The following STK3 variants were observed in gnomAD, a reference collection of about 807,000 sequenced individuals.
STK3 encodes the protein serine/threonine kinase 3.
In STK3, 41 loss-of-function variants were observed where a neutral mutation model predicts 58.0. The ratio of observed to expected loss-of-function variants is 0.71; its 90% confidence interval spans 0.55 to 0.92. STK3 has a LOEUF of 0.92. Ranked by LOEUF, STK3 falls within the 40% of genes least tolerant of loss-of-function variation. The pLI is 0.00. For missense variants in STK3, 479 were observed against 602.7 expected (o/e 0.79, Z 2.15); for synonymous variants, 170 against 191.0 (o/e 0.89, Z 0.91).
At chr8:98,593,032 G>A (rs2129931596) in intron 7 of STK3, among the ~76,000 whole-genome samples, 1 of 152,236 alleles carries the variant, frequency 6.6e-6, no homozygotes, top group African/African-American at 2.4e-5. Context: ...CCAAAGTGCT[G>A]GGATTACAGG....
chr8:98,562,241 C>A (rs1051101859), intron 8 of STK3, among the ~76,000 whole-genome samples: 1 of 151,936 alleles, frequency 6.6e-6, no homozygotes, highest in African/African-American at 2.4e-5. Context: ...TTGATAACTG[C>A]CCCAAACTAA....
chr8:98,611,465 T>C (rs1241234859), intron 6 of STK3, among the ~76,000 whole-genome samples: 1 of 152,154 alleles, frequency 6.6e-6, no homozygotes, highest in Non-Finnish European at 1.5e-5. Flanking sequence ...AAAAGAAATC[T>C]GTCAACACAG....
At chr8:98,530,225 T>C (rs1223742158) in intron 9 of STK3, among the ~76,000 whole-genome samples, 1 of 152,154 alleles carries the variant, frequency 6.6e-6, no homozygotes, top group Non-Finnish European at 1.5e-5. Flanking sequence ...TAAACTTGTG[T>C]CATGGGGGTT....
At chr8:98,614,004 TAA>T (rs1178602654) in intron 6 of STK3, among the ~76,000 whole-genome samples, 1 of 152,082 alleles carries the variant, frequency 6.6e-6, no homozygotes, top group African/African-American at 2.4e-5. Context: ...TAACAAGCAC[TAA>T]TGTATATGTA....
intron 6 of STK3, among the ~76,000 whole-genome samples, chr8:98,647,335 T>G (rs961395946): frequency 7.9e-5 from 12 of 152,188 alleles, no homozygotes; most frequent in Admixed American, 7.9e-4. Context: ...CTAGTTTTCT[T>G]TAATCATTTC....
Position 98,713,226 on chromosome 8 carries a change from T to C in STK3, c.352-5915A>G, listed in dbSNP as rs1389865545. On this transcript the variant is annotated intron_variant, in intron 4 of 10. Coordinates refer to ENST00000419617, the MANE Select transcript of STK3 (RefSeq NM_006281.4). Reference sequence around the variant, plus strand: ...ACCCTAACATCACAATTAAAAGAACTAGAAAAGCAAGAGCAAACACATTCA... The same window carrying C: ...ACCCTAACATCACAATTAAAAGAACCAGAAAAGCAAGAGCAAACACATTCA... Among the ~76,000 whole-genome samples the C allele has an allele frequency of 4.2e-4, 64 of 152,024 alleles. 3 individuals carry two copies. The South Asian group carries it at 7.9e-3, about 19-fold the overall frequency.
chr8:98,721,382 T>C (rs1196901451), intron 4 of STK3, among the ~76,000 whole-genome samples: 3 of 151,850 alleles, frequency 2.0e-5, no homozygotes, highest in Admixed American at 6.6e-5. Flanking sequence ...CTCAGAAAAA[T>C]AGCCAGTTAT....
At chr8:98,915,394 A>T (rs577581412) in intron 1 of STK3, among the ~76,000 whole-genome samples, 2 of 141,276 alleles carry the variant, frequency 1.4e-5, no homozygotes, top group South Asian at 4.4e-4. Flanking sequence ...TTACTGTGGG[A>T]CCTTGTGATC....
chr8:98,697,585 A>C (rs1327498993), intron 6 of STK3, among the ~76,000 whole-genome samples: 1 of 152,196 alleles, frequency 6.6e-6, no homozygotes, highest in African/African-American at 2.4e-5. Flanking sequence ...TTCAAAGAAC[A>C]TCCTTATTTC....
chr8:98,653,124 C>A (rs992857057), intron 6 of STK3, among the ~76,000 whole-genome samples: 7 of 152,200 alleles, frequency 4.6e-5, no homozygotes, highest in Non-Finnish European at 1.0e-4. Context: ...CAAATTATAA[C>A]AAACTGTCTC....
intron 1 of STK3, among the ~76,000 whole-genome samples, chr8:98,805,035 G>T (rs1833814283): frequency 6.6e-6 from 1 of 152,156 alleles, no homozygotes; most frequent in South Asian, 2.1e-4. Flanking sequence ...CAAAACTAGG[G>T]GGTAGTTTTG....
chr8:98,744,839 A>T (rs1829532800), intron 4 of STK3, among the ~76,000 whole-genome samples: 2 of 152,120 alleles, frequency 1.3e-5, no homozygotes, highest in South Asian at 4.1e-4. Flanking sequence ...TTAGTAGGAC[A>T]GGCTTATAAG....
downstream of STK3, among the ~76,000 whole-genome samples, chr8:98,449,997 A>G (rs866271545): frequency 1.3e-5 from 2 of 152,282 alleles, no homozygotes; most frequent in Middle Eastern, 6.8e-3. Flanking sequence ...CAGCCTCTAG[A>G]GTCATAAACC....
intron 1 of STK3, among the ~76,000 whole-genome samples, chr8:98,897,471 G>T (rs923551619): frequency 4.6e-5 from 7 of 151,612 alleles, no homozygotes; most frequent in Admixed American, 3.3e-4. Flanking sequence ...GCTGAGGCAG[G>T]AGAATGGCGT....
rs147410114 is a variant in STK3 at position 98,419,583 on chromosome 8, C to T, written n.483+14544G>A. 9.2e-4 allele frequency among the ~76,000 whole-genome samples: 140 copies of T among 152,310 alleles called. No homozygotes were observed. In the East Asian group the frequency reaches 0.025, roughly 28 times the overall value. On this transcript the variant is annotated intron_variant and non_coding_transcript_variant, in intron 3 of 3. Coordinates refer to the STK3 transcript ENST00000517832. ...AGGACTCCTAGAGAGCCTGGGCATC[C>T]TGGGCTGCATCCTGGACCTGGAGTG...
At chr8:98,630,140 C>G (rs939153201) in intron 6 of STK3, among the ~76,000 whole-genome samples, 1 of 152,198 alleles carries the variant, frequency 6.6e-6, no homozygotes, top group Non-Finnish European at 1.5e-5. Flanking sequence ...CCTATGAGCA[C>G]TATGTGGCGT....
chr8:98,697,455 G>A (rs963870822), intron 6 of STK3, among the ~76,000 whole-genome samples: 191 of 152,140 alleles, frequency 1.3e-3, no homozygotes, highest in South Asian at 1.2e-3. Context: ...ATGTTAGGGT[G>A]TCAATTTTGG....
chr8:98,721,792 A>G lies in STK3; in HGVS notation c.352-14481T>C, dbSNP rs543481425. ...CCCAGGGGTTACAATATTGCTGTGA[A>G]TAACAGCACATATATAACCAGAATG... is the stretch of plus-strand genomic sequence containing the variant. On this transcript the variant is annotated intron_variant, in intron 4 of 10. Transcript: ENST00000419617. 9.2e-5 allele frequency among the ~76,000 whole-genome samples: 14 copies of G among 152,282 alleles called. No individual in the cohort carries two copies. The East Asian group carries it at 2.3e-3, about 25-fold the overall frequency.
chr8:98,439,518 T>C (rs1818615714), intron 1 of STK3, among the ~76,000 whole-genome samples: 1 of 152,122 alleles, frequency 6.6e-6, no homozygotes, highest in Non-Finnish European at 1.5e-5. Flanking sequence ...TCCCCTCAGG[T>C]AATGACTAAT....
Sources: allele counts gnomAD v4.1 joint callset (sites outside exome capture counted in the v4.1 genomes callset), GRCh38; gene constraint gnomAD v4.1.1; transcripts MANE v1.5; gene names NCBI Gene and HGNC (gene_info 2026-07-23, HGNC 2026-07-21).